Variants in GRM7 observed in about 807,000 individuals in gnomAD.
The protein encoded by GRM7 is glutamate metabotropic receptor 7.
Under a neutral mutation model 84.5 loss-of-function variants are expected in GRM7, and 35 were observed. The observed-to-expected ratio is 0.41, with a 90% confidence interval of 0.32 to 0.55. GRM7 has a LOEUF of 0.55. GRM7 is among the 20% of genes least tolerant of loss of function. GRM7 has a pLI of 0.19. For missense variants in GRM7, 1,003 were observed against 1,194.6 expected, an observed-to-expected ratio of 0.84 and a Z score of 2.36; for synonymous variants, 487 against 455.1, an observed-to-expected ratio of 1.07 and a Z score of -0.89.
intron 8 of GRM7, among the ~76,000 whole-genome samples, chr3:7,581,858 T>G (rs937636390): frequency 2.8e-5 from 4 of 141,270 alleles, no homozygotes. Context: ...TTCTTTTCCT[T>G]ATTTTTTTTT....
intron 8 of GRM7, among the ~76,000 whole-genome samples, chr3:7,669,161 G>A (rs532248764): frequency 3.3e-4 from 51 of 152,286 alleles, no homozygotes; most frequent in African/African-American, 1.1e-3. Context: ...AAGGGGACAC[G>A]TATAAAAGAA....
chr3:7,629,235 A>G (rs543320579), intron 8 of GRM7, among the ~76,000 whole-genome samples: 1 of 152,332 alleles, frequency 6.6e-6, no homozygotes, highest in East Asian at 1.9e-4. Flanking sequence ...ATAGTACTAT[A>G]TAACCAAAGC....
In GRM7 at chr3:6,942,882, C is replaced by G. The variant is rs983596192; in HGVS notation, c.519+80975C>G. 1.1e-4 allele frequency among the ~76,000 whole-genome samples: 17 copies of G among 152,210 alleles called. 1 individual carries two copies. The South Asian group carries it at 3.5e-3, about 32-fold the overall frequency. On this transcript the variant is annotated intron_variant, in intron 1 of 9. Transcript: ENST00000357716. ...CCAGTTATTCTTTATCTCCAACAAA[C>G]TGTGTCGGCAATCTGTTTAAAGTTT...
chr3:7,210,613 A>G (rs936443456), intron 2 of GRM7, among the ~76,000 whole-genome samples: 17 of 152,182 alleles, frequency 1.1e-4, no homozygotes, highest in African/African-American at 3.9e-4. Flanking sequence ...CTTCAAAAAT[A>G]AAAGAAATGT....
chr3:7,087,906 AAGAGAGACAACGT>A (rs1292056614), intron 1 of GRM7, among the ~76,000 whole-genome samples: 15 of 152,232 alleles, frequency 9.9e-5, no homozygotes, highest in Non-Finnish European at 1.9e-4. Context: ...TAATACTTAG[AAGAGAGACAACGT>A]AGTTTAGAGG....
intron 7 of GRM7, among the ~76,000 whole-genome samples, chr3:7,534,487 C>T (rs527889639): frequency 1.8e-4 from 27 of 152,190 alleles, no homozygotes; most frequent in African/African-American, 5.8e-4. Context: ...TGGGTAATTC[C>T]ATATCTTGTG....
chr3:7,421,969 G>A (rs1239355103), intron 5 of GRM7, among the ~76,000 whole-genome samples: 2 of 150,974 alleles, frequency 1.3e-5, no homozygotes, highest in Non-Finnish European at 2.9e-5. Context: ...ACACATCTGT[G>A]GTCCCAGCTG....
intron 7 of GRM7, among the ~76,000 whole-genome samples, chr3:7,533,152 G>A (rs1399064705): frequency 6.6e-6 from 1 of 152,126 alleles, no homozygotes; most frequent in Non-Finnish European, 1.5e-5. Flanking sequence ...AGACCGAATA[G>A]ACATCTACAG....
intron 1 of GRM7, among the ~76,000 whole-genome samples, chr3:6,965,666 GCCTGC>G (rs2125087466): frequency 6.6e-6 from 1 of 152,160 alleles, no homozygotes; most frequent in African/African-American, 2.4e-5. Context: ...GGCACTTCCT[GCCTGC>G]ACCTGATAGG....
chr3:6,887,134 C>T (rs1271287716), intron 1 of GRM7, among the ~76,000 whole-genome samples: 3 of 151,764 alleles, frequency 2.0e-5, no homozygotes, highest in African/African-American at 7.3e-5. Flanking sequence ...ACTGTTTAAA[C>T]TGAAAATACC....
intron 7 of GRM7, among the ~76,000 whole-genome samples, chr3:7,475,079 C>T (rs749995632): frequency 9.9e-5 from 15 of 152,102 alleles, no homozygotes; most frequent in Non-Finnish European, 1.6e-4. Flanking sequence ...AATTGCCCTA[C>T]GTAAAAGTCT....
At chr3:6,897,290 C>T (rs752819565) in intron 1 of GRM7, among the ~76,000 whole-genome samples, 11 of 152,188 alleles carry the variant, frequency 7.2e-5, no homozygotes, top group South Asian at 2.1e-4. Flanking sequence ...ATCAGCATCA[C>T]TGGGGAATTG....
intron 3 of GRM7, 98 bp downstream of exon 3, chr3:7,298,923 T>A: frequency 9.0e-7 from 1 of 1,111,312 alleles, no homozygotes; most frequent in Non-Finnish European, 1.3e-6. Flanking sequence ...TAGCATAAGA[T>A]CAAAGCTGTA....
chr3:7,024,940 T>C (rs1434710549), intron 1 of GRM7, among the ~76,000 whole-genome samples: 1 of 152,212 alleles, frequency 6.6e-6, no homozygotes, highest in Non-Finnish European at 1.5e-5. Flanking sequence ...AGGTTAGAAG[T>C]TGAAATGGGT....
chr3:7,006,610 T>C (rs1278785720), intron 1 of GRM7, among the ~76,000 whole-genome samples: 1 of 152,222 alleles, frequency 6.6e-6, no homozygotes, highest in Non-Finnish European at 1.5e-5. Context: ...ATGACTATTA[T>C]TCAGTGTGTA....
chr3:7,118,711 T>C (rs1434857598), intron 1 of GRM7, among the ~76,000 whole-genome samples: 1 of 152,078 alleles, frequency 6.6e-6, no homozygotes, highest in Non-Finnish European at 1.5e-5. Flanking sequence ...GTTTTGATGT[T>C]ATCTTGGAAG....
chr3:7,454,950 G>T (rs1233695272), intron 6 of GRM7, among the ~76,000 whole-genome samples: 1 of 152,084 alleles, frequency 6.6e-6, no homozygotes, highest in Non-Finnish European at 1.5e-5. Flanking sequence ...AATTAAAAAG[G>T]TTAAAAGAAC....
intron 4 of GRM7, among the ~76,000 whole-genome samples, chr3:7,382,679 A>G (rs1480801620): frequency 2.0e-5 from 3 of 152,230 alleles, no homozygotes; most frequent in African/African-American, 7.2e-5. Flanking sequence ...ATTGAAAGGA[A>G]AAAAATAAAG....
intron 1 of GRM7, among the ~76,000 whole-genome samples, chr3:7,063,844 G>A (rs1393668629): frequency 6.6e-6 from 1 of 151,658 alleles, no homozygotes; most frequent in Non-Finnish European, 1.5e-5. Flanking sequence ...AAGAACTTAT[G>A]TATGTAATGT....
Sources: gnomAD v4.1 joint callset for allele counts (sites outside exome capture counted in the v4.1 genomes callset) on GRCh38, gnomAD v4.1.1 for gene constraint, MANE v1.5 for transcripts, NCBI Gene and HGNC (gene_info 2026-07-23, HGNC 2026-07-21) for gene names.